CUL5: variants seen among roughly 807,000 people sequenced by gnomAD.
CUL5 encodes cullin 5.
CUL5 carries 26 observed loss-of-function variants against 108.8 expected under a neutral mutation model. The observed-to-expected ratio is 0.24, with a 90% CI of 0.18 to 0.33. The LOEUF (loss-of-function observed/expected upper bound fraction) is 0.33. CUL5 is among the 10% of genes least tolerant of loss of function. The pLI, the probability that CUL5 is intolerant of heterozygous loss-of-function variation, is 1.00. For missense variants in CUL5, 524 were observed against 909.2 expected (o/e 0.58, Z 5.45); for synonymous variants, 334 against 298.0 (o/e 1.12, Z -1.25).
At chr11:108,072,190 A>C (rs1188600893) in intron 8 of CUL5, 142 bp from the exon 9 acceptor site, 6 of 620,778 alleles carry the variant, frequency 9.7e-6, no homozygotes, top group Non-Finnish European at 1.5e-5. Context: ...AAAACAAAAA[A>C]ACAACAACAA....
At chr11:108,034,085 C>G (rs1019009411) in intron 2 of CUL5, among the ~76,000 whole-genome samples, 174 bp downstream of exon 2, 39 of 152,078 alleles carry the variant, frequency 2.6e-4, no homozygotes, top group Non-Finnish European at 3.5e-4. Flanking sequence ...CTAGGGGGCT[C>G]ACAGGACTGA....
chr11:108,049,874 C>T lies in CUL5; in HGVS notation c.235-16C>T. 1 of 1,589,138 alleles carries T rather than the reference C, an allele frequency of 6.3e-7. No homozygotes were observed. The highest frequency in any genetic ancestry group is 1.4e-5 in the African/African-American group (1 of 73,598). The stretch of plus-strand genomic sequence containing the variant: ...CAACTGCATTTATTTCAAATTGGTA[C>T]ACCTCTTTTTTTCAGCGAGTACTGA... On this transcript the variant is annotated splice_polypyrimidine_tract_variant and intron_variant, in intron 3 of 18. Transcript: ENST00000393094.
rs979236250 is a variant in CUL5, at chr11:108,052,597, G to A, written c.412-63G>A. On this transcript the variant is annotated intron_variant, in intron 4 of 18. Transcript: ENST00000393094. ...AATTTGATTTCCTTTTTTGGTGTTT[G>A]TACATGATACTTTGTATATTAATAA... is the stretch of plus-strand genomic sequence containing the variant. 18 of 1,451,380 alleles carry A rather than the reference G, an allele frequency of 1.2e-5. No individual in the cohort carries two copies. The Admixed American group carries it at 3.0e-4, about 24-fold the overall frequency. 89.9% of individuals were successfully genotyped at this position (1,451,380 alleles called of 1,614,324 possible).
intron 1 of CUL5, among the ~76,000 whole-genome samples, chr11:108,020,870 TTCACTCACTAC>T: frequency 6.6e-6 from 1 of 152,340 alleles, no homozygotes; most frequent in East Asian, 1.9e-4. Context: ...GACCTTCACA[TTCACTCACTAC>T]TCACTCACTG....
chr11:108,094,609 C>T (rs369539899), intron 14 of CUL5, 95 bp downstream of exon 14: 2 of 855,406 alleles, frequency 2.3e-6, no homozygotes, highest in Non-Finnish European at 3.4e-6. Flanking sequence ...AGTAATAGAT[C>T]GAAAGATGTT....
chr11:108,095,457 AAATT>A (rs1864468113), intron 15 of CUL5, 69 bp from the exon 16 acceptor site: 1 of 1,065,352 alleles, frequency 9.4e-7, no homozygotes. Context: ...TTTCATATAT[AAATT>A]CATGTCATAG....
intron 8 of CUL5, among the ~76,000 whole-genome samples, 173 bp downstream of exon 8, chr11:108,070,362 A>T (rs965934243): frequency 2.0e-5 from 3 of 152,180 alleles, no homozygotes; most frequent in African/African-American, 7.2e-5. Flanking sequence ...GGCACTGCTA[A>T]GAGTATATAA....
At chr11:108,046,600 A>G (rs1236365015) in intron 3 of CUL5, 2 of 358,998 alleles carry the variant, frequency 5.6e-6, no homozygotes, top group Non-Finnish European at 1.0e-5. Flanking sequence ...AAAAGATGCT[A>G]TAGCGAATTC....
intron 1 of CUL5, among the ~76,000 whole-genome samples, chr11:108,015,608 G>GAGGA (rs1862165097): frequency 2.0e-5 from 3 of 152,190 alleles, no homozygotes; most frequent in Admixed American, 2.0e-4. Context: ...ACAGCCTAGG[G>GAGGA]AGGAAACAAA....
rs769510093 is a variant in CUL5, at chr11:108,009,324, C to G, written c.-25C>G. 11 of 1,611,158 alleles carry G rather than the reference C, an allele frequency of 6.8e-6. No individual in the cohort carries two copies. The South Asian group carries it at 9.9e-5, about 15-fold the overall frequency. ...GGAGCGCCACGAATTCTCGCGTCGT[C>G]TCGCGAGAGTCCAAGTTAAAGAACA... is the stretch of plus-strand genomic sequence containing the variant. On this transcript the variant is annotated 5_prime_UTR_variant, in exon 1 of 19. Transcript: ENST00000393094.
chr11:108,107,575 C>T lies in CUL5; in HGVS notation c.*3191C>T, dbSNP rs1182532695. The T allele has an allele frequency of 6.6e-6, 1 of 152,568 alleles. No individual in the cohort carries two copies. The highest frequency in any genetic ancestry group is 1.5e-5 in the Non-Finnish European group (1 of 68,028). 9.5% of individuals were successfully genotyped at this position (152,568 alleles called of 1,614,324 possible). On this transcript the variant is annotated 3_prime_UTR_variant, in exon 19 of 19. Transcript: ENST00000393094. ...TTTAGTTTCTAAGTTGTAATCTATC[C>T]TCATATGGTCTATACGATTTTGAAT...
chr11:108,078,606 A>T (rs921054280), intron 11 of CUL5, among the ~76,000 whole-genome samples: 1 of 152,162 alleles, frequency 6.6e-6, no homozygotes, highest in Non-Finnish European at 1.5e-5. Context: ...ACCGTTTTAA[A>T]AAATTGTTCT....
intron 7 of CUL5, among the ~76,000 whole-genome samples, chr11:108,061,260 G>GTA (rs1223708678): frequency 6.6e-6 from 1 of 152,172 alleles, no homozygotes; most frequent in African/African-American, 2.4e-5. Context: ...TATGTATATA[G>GTA]TAATTTGGTA....
At chr11:108,050,100 T>A (rs1389316615) in intron 4 of CUL5, 34 bp downstream of exon 4, 1 of 1,516,656 alleles carries the variant, frequency 6.6e-7, no homozygotes, top group African/African-American at 1.4e-5. Context: ...TTCCTAATAT[T>A]CTTCAGAAAG....
intron 14 of CUL5, 38 bp from the exon 15 acceptor site, chr11:108,094,774 G>A: frequency 6.9e-7 from 1 of 1,441,476 alleles, no homozygotes; most frequent in Non-Finnish European, 9.4e-7. Context: ...TTTATCCATT[G>A]TTAATTTACT....
chr11:108,010,112 G>A (rs964530318), intron 1 of CUL5, among the ~76,000 whole-genome samples: 2 of 152,270 alleles, frequency 1.3e-5, no homozygotes, highest in Non-Finnish European at 2.9e-5. Flanking sequence ...TTCTCCACCA[G>A]TTAAAAAGTT....
intron 18 of CUL5, among the ~76,000 whole-genome samples, chr11:108,102,065 AGGCTGGGGTGCAATGGTGTGATCTT>A (rs1248491645): frequency 1.3e-5 from 2 of 152,100 alleles, no homozygotes; most frequent in Non-Finnish European, 2.9e-5. Context: ...CCTGTTGCCC[AGGCTGGGGTGCAATGGTGTGATCTT>A]GGCTCACTAC....
intron 1 of CUL5, among the ~76,000 whole-genome samples, chr11:108,014,970 C>T (rs1862144015): frequency 6.6e-6 from 1 of 152,178 alleles, no homozygotes; most frequent in Non-Finnish European, 1.5e-5. Context: ...ACGATCTTGG[C>T]TCACTGCAAC....
chr11:108,055,700 G>A (rs1356604868), intron 7 of CUL5, among the ~76,000 whole-genome samples: 3 of 151,094 alleles, frequency 2.0e-5, no homozygotes, highest in East Asian at 1.9e-4. Flanking sequence ...GTGCAATCTC[G>A]GCTCACTGCA....
Sources: allele counts gnomAD v4.1 joint callset (sites outside exome capture counted in the v4.1 genomes callset), GRCh38; gene constraint gnomAD v4.1.1; transcripts MANE v1.5; gene names NCBI Gene and HGNC (gene_info 2026-07-23, HGNC 2026-07-21).